ADTRP: variants seen among roughly 807,000 people sequenced by gnomAD.
ADTRP encodes androgen dependent TFPI regulating protein.
In ADTRP, 20 loss-of-function variants were observed where a neutral mutation model predicts 27.0. The ratio of observed to expected loss-of-function variants is 0.74; its 90% CI spans 0.52 to 1.08. The LOEUF (loss-of-function observed/expected upper bound fraction) is 1.08. Ranked by LOEUF, ADTRP falls within the 50% of genes least tolerant of loss-of-function variation. The probability of loss-of-function intolerance (pLI) is 0.00; values close to 1 mark genes in which losing one functional copy is unlikely to be tolerated. For missense variants in ADTRP, 251 were observed against 275.0 expected (o/e 0.91, Z 0.62); for synonymous variants, 101 against 105.2 (o/e 0.96, Z 0.25).
chr6:11,770,791 C>A lies in ADTRP; in HGVS notation c.154-2408G>T, dbSNP rs1024866499. Reference sequence around the variant, plus strand: ...GAAGTTCCCTCCTCTCTCCCTCCCCCACCAGTAGCCTCGCCTCACCCTGGT... The same window carrying A: ...GAAGTTCCCTCCTCTCTCCCTCCCCAACCAGTAGCCTCGCCTCACCCTGGT... On this transcript the variant is annotated intron_variant, in intron 1 of 5. Transcript: ENST00000414691. 4.6e-5 allele frequency among the ~76,000 whole-genome samples: 7 copies of A among 152,120 alleles called. No homozygotes were observed. In the East Asian group the frequency reaches 7.7e-4, roughly 17 times the overall value.
At chr6:11,716,381 C>T (rs943531590) in intron 5 of ADTRP, among the ~76,000 whole-genome samples, 1 of 152,038 alleles carries the variant, frequency 6.6e-6, no homozygotes, top group Admixed American at 6.6e-5. Context: ...GTATGAAGCT[C>T]TGCTGGGGGA....
chr6:11,714,590 A>T (rs1761752560), intron 5 of ADTRP, 78 bp from the exon 6 acceptor site: 1 of 1,516,790 alleles, frequency 6.6e-7, no homozygotes, highest in Non-Finnish European at 9.0e-7. Flanking sequence ...GTAGAGATTC[A>T]CTCTGACTTG....
At chr6:11,764,322 C>T (rs746346647) in intron 3 of ADTRP, among the ~76,000 whole-genome samples, 1 of 152,218 alleles carries the variant, frequency 6.6e-6, no homozygotes, top group Non-Finnish European at 1.5e-5. Flanking sequence ...TCCAACTTTA[C>T]ATCAACCCTG....
intron 3 of ADTRP, among the ~76,000 whole-genome samples, chr6:11,743,770 G>A (rs1341867514): frequency 6.6e-6 from 1 of 152,188 alleles, no homozygotes; most frequent in Non-Finnish European, 1.5e-5. Context: ...TGGGGCAGAA[G>A]AGGAAGAGAG....
chr6:11,763,980 A>C (rs1220263412), intron 3 of ADTRP, among the ~76,000 whole-genome samples: 1 of 152,184 alleles, frequency 6.6e-6, no homozygotes, highest in Non-Finnish European at 1.5e-5. Context: ...AAACACAGAA[A>C]CATCTGTATA....
chr6:11,758,963 C>T (rs1763316456), intron 3 of ADTRP, among the ~76,000 whole-genome samples: 1 of 152,178 alleles, frequency 6.6e-6, no homozygotes, highest in Non-Finnish European at 1.5e-5. Context: ...TTCTTCTGAT[C>T]AACTTGCCCT....
intron 4 of ADTRP, among the ~76,000 whole-genome samples, chr6:11,727,786 G>A (rs1163115781): frequency 6.6e-6 from 1 of 152,102 alleles, no homozygotes; most frequent in African/African-American, 2.4e-5. Context: ...GAGGCAAGAT[G>A]ATAGTAATTT....
rs1005436419 is a variant in ADTRP, at chr6:11,723,924, G to A, written c.507-424C>T. ...AAATACAAAAAATTAACTGGGCATGGTGGCTCAGGCCTGTAATCCCAGCTA... is the reference window on the plus strand; with the variant it reads ...AAATACAAAAAATTAACTGGGCATGATGGCTCAGGCCTGTAATCCCAGCTA... On this transcript the variant is annotated intron_variant, in intron 4 of 5. Coordinates refer to ENST00000414691, the MANE Select transcript of ADTRP (RefSeq NM_032744.4). Among the ~76,000 whole-genome samples, 24 of 152,230 alleles carry A rather than the reference G, an allele frequency of 1.6e-4. 1 individual carries two copies. The highest frequency in any genetic ancestry group is 6.5e-4 in the Admixed American group (10 of 15,292).
intron 3 of ADTRP, among the ~76,000 whole-genome samples, chr6:11,743,381 C>T (rs769687474): frequency 2.0e-5 from 3 of 152,186 alleles, no homozygotes; most frequent in African/African-American, 7.2e-5. Flanking sequence ...ATCTATCTTT[C>T]TTCCTGTGCC....
intron 1 of ADTRP, among the ~76,000 whole-genome samples, chr6:11,777,246 T>TTGTGTG (rs3830754): frequency 9.4e-4 from 141 of 150,744 alleles, no homozygotes; most frequent in African/African-American, 3.3e-3. Context: ...TCAGGATCAG[T>TTGTGTG]TGTGTGTGTG....
At chr6:11,735,749 C>A in intron 3 of ADTRP, 66 bp from the exon 4 acceptor site, 1 of 943,676 alleles carries the variant, frequency 1.1e-6, no homozygotes, top group South Asian at 1.7e-5. Flanking sequence ...GCCCATAATT[C>A]TCTGTTCCCC....
intron 5 of ADTRP, chr6:11,717,327 T>A: frequency 7.7e-7 from 1 of 1,304,278 alleles, no homozygotes; most frequent in African/African-American, 1.5e-5. Context: ...CTTGACCAGT[T>A]GGTGCTTGGC....
At chr6:11,778,243 C>G (rs544644462) in intron 1 of ADTRP, among the ~76,000 whole-genome samples, 23 of 152,354 alleles carry the variant, frequency 1.5e-4, no homozygotes, top group African/African-American at 5.5e-4. Context: ...ACTCTGCCTT[C>G]TCTTCACAGA....
At chr6:11,764,151 T>A (rs1763477224) in intron 3 of ADTRP, among the ~76,000 whole-genome samples, 1 of 152,196 alleles carries the variant, frequency 6.6e-6, no homozygotes, top group African/African-American at 2.4e-5. Context: ...ACAAAAATAT[T>A]TAAGCATCTC....
intron 4 of ADTRP, among the ~76,000 whole-genome samples, chr6:11,734,029 A>G (rs2281128): frequency 0.077 from 11,769 of 152,286 alleles, 522 homozygotes; most frequent in Non-Finnish European, 0.1. Flanking sequence ...TATATGAACT[A>G]CCAGATTTAC....
intron 5 of ADTRP, chr6:11,717,438 T>C (rs13201084): frequency 0.072 from 93,920 of 1,303,306 alleles, 3,734 homozygotes; most frequent in African/African-American, 0.12. Context: ...CAAGAAATTA[T>C]TGTTTCAATC....
intron 4 of ADTRP, among the ~76,000 whole-genome samples, chr6:11,729,131 G>A (rs1762306170): frequency 6.6e-6 from 1 of 152,226 alleles, no homozygotes; most frequent in African/African-American, 2.4e-5. Flanking sequence ...ACCGACGTCT[G>A]TGGGTGGCAG....
intron 3 of ADTRP, chr6:11,735,895 A>C (rs1241326904): frequency 5.9e-6 from 3 of 505,156 alleles, no homozygotes; most frequent in Non-Finnish European, 3.6e-6. Context: ...AGGACTTTGC[A>C]ATGTGTCTCA....
intron 4 of ADTRP, among the ~76,000 whole-genome samples, chr6:11,725,430 A>G (rs1484016212): frequency 6.6e-6 from 1 of 152,248 alleles, no homozygotes; most frequent in Non-Finnish European, 1.5e-5. Context: ...AGGATGTTCA[A>G]CATCACTAAT....
Sources: allele counts gnomAD v4.1 joint callset (sites outside exome capture counted in the v4.1 genomes callset), GRCh38; gene constraint gnomAD v4.1.1; transcripts MANE v1.5; gene names NCBI Gene and HGNC (gene_info 2026-07-23, HGNC 2026-07-21).